CPQ: variants seen among roughly 807,000 people sequenced by gnomAD.
CPQ encodes carboxypeptidase Q.
CPQ carries 37 observed loss-of-function variants against 45.7 expected under a neutral mutation model. The observed-to-expected ratio is 0.81, with a 90% confidence interval of 0.62 to 1.07. The LOEUF (loss-of-function observed/expected upper bound fraction) is 1.07. CPQ is among the 50% of genes least tolerant of loss of function. The pLI is 0.00. For synonymous variants in CPQ, 186 were observed against 205.8 expected (o/e 0.90, Z 0.82); for missense variants, 537 against 572.9 (o/e 0.94, Z 0.64).
chr8:96,839,321 C>T (rs945552852), intron 3 of CPQ, among the ~76,000 whole-genome samples: 23 of 152,186 alleles, frequency 1.5e-4, no homozygotes, highest in African/African-American at 5.3e-4. Flanking sequence ...TTGTTATTCT[C>T]TGTGTTGCCA....
intron 5 of CPQ, among the ~76,000 whole-genome samples, chr8:96,998,978 A>AT (rs1198105387): frequency 2.0e-5 from 3 of 152,028 alleles, no homozygotes; most frequent in Non-Finnish European, 4.4e-5. Flanking sequence ...AAAAGCTAAC[A>AT]TTAATCAGGT....
At chr8:96,901,893 G>A (rs1299185790) in intron 4 of CPQ, among the ~76,000 whole-genome samples, 1 of 152,198 alleles carries the variant, frequency 6.6e-6, no homozygotes, top group Admixed American at 6.5e-5. Flanking sequence ...CTTTGGGAAA[G>A]CTTTGAGTCC....
rs942394752 is a variant in CPQ, at chr8:96,816,507, T to A, written c.434-18466T>A. Among the ~76,000 whole-genome samples, 3 of 152,182 alleles carry A rather than the reference T, an allele frequency of 2.0e-5. No individual in the cohort carries two copies. In the East Asian group the frequency reaches 5.8e-4, roughly 29 times the overall value. On this transcript the variant is annotated intron_variant, in intron 2 of 7. Transcript: ENST00000220763. ...AAACTCCTGTTAATGTTGATATTTT[T>A]ACCTCCTTCCATAAATCATGAATAT...
At position 96,858,907 on chromosome 8, in the gene CPQ, T is replaced by C. The variant is rs190904896; in HGVS notation, c.642-20891T>C. Among the ~76,000 whole-genome samples the C allele has an allele frequency of 1.7e-4, 26 of 152,310 alleles. 2 individuals carry two copies. Among genetic ancestry groups the C allele is most frequent in the African/African-American group, 5.8e-4 (24 of 41,576 alleles). On this transcript the variant is annotated intron_variant, in intron 3 of 7. Coordinates refer to ENST00000220763, the MANE Select transcript of CPQ (RefSeq NM_016134.4). ...TGACATATGTATATGTGTGTGTGTA[T>C]GTGTGTTTGTGTAGTTTTGTGCTTT...
rs535111844 is a variant in CPQ at position 96,921,762 on chromosome 8, A to G, written c.849+41757A>G. On this transcript the variant is annotated intron_variant, in intron 4 of 7. Transcript: ENST00000220763. ...GTTCTTCATTCTCTGAAAAACTTTT[A>G]TAGAAATTCTAAGAAGTGTGCCTCA... Among the ~76,000 whole-genome samples, 95 of 152,314 alleles carry G rather than the reference A, an allele frequency of 6.2e-4. No homozygotes were observed. The Middle Eastern group carries it at 0.01, about 16-fold the overall frequency.
At chr8:96,826,485 A>G (rs1227719858) in intron 2 of CPQ, among the ~76,000 whole-genome samples, 1 of 152,028 alleles carries the variant, frequency 6.6e-6, no homozygotes, top group Non-Finnish European at 1.5e-5. Context: ...ATATATATAC[A>G]TATATCTGCC....
In CPQ at chr8:96,696,509, A is replaced by G. The variant is rs148393238; in HGVS notation, c.-35+51107A>G. Among the ~76,000 whole-genome samples, 528 of 152,212 alleles carry G rather than the reference A, an allele frequency of 3.5e-3. 3 individuals are homozygous for G. The highest frequency in any genetic ancestry group is 0.012 in the African/African-American group (492 of 41,564). On this transcript the variant is annotated intron_variant, in intron 1 of 7. Coordinates refer to ENST00000220763, the MANE Select transcript of CPQ (RefSeq NM_016134.4). ...CTGAACCCAAAATTAGTAGAAGAAA[A>G]TAAATAATAAAGATCAGAGCAGAAA... is the stretch of plus-strand genomic sequence containing the variant.
At chr8:96,736,161 A>G (rs1809980345) in intron 1 of CPQ, among the ~76,000 whole-genome samples, 1 of 152,172 alleles carries the variant, frequency 6.6e-6, no homozygotes, top group African/African-American at 2.4e-5. Context: ...TATCATTTCC[A>G]TCTTATGATG....
chr8:96,983,593 TACTA>T (rs1813945301), intron 5 of CPQ, among the ~76,000 whole-genome samples: 1 of 152,182 alleles, frequency 6.6e-6, no homozygotes, highest in African/African-American at 2.4e-5. Context: ...AGAGCAAACT[TACTA>T]ACTATTCAAA....
intron 4 of CPQ, among the ~76,000 whole-genome samples, chr8:96,891,754 C>A (rs1048271105): frequency 6.6e-6 from 1 of 152,118 alleles, no homozygotes; most frequent in Non-Finnish European, 1.5e-5. Flanking sequence ...CCTCATAGCA[C>A]CATAGCTGCA....
intron 4 of CPQ, among the ~76,000 whole-genome samples, chr8:96,903,840 A>T (rs1398000661): frequency 2.0e-5 from 3 of 152,204 alleles, no homozygotes; most frequent in Non-Finnish European, 4.4e-5. Context: ...GGAGAAAAAA[A>T]TATGGCATGA....
intron 1 of CPQ, among the ~76,000 whole-genome samples, chr8:96,780,147 T>G (rs1355419871): frequency 6.6e-6 from 1 of 152,172 alleles, no homozygotes; most frequent in Non-Finnish European, 1.5e-5. Flanking sequence ...TGGTGAATAA[T>G]TTACCCTACT....
chr8:97,050,751 G>A (rs1049608651), intron 6 of CPQ, among the ~76,000 whole-genome samples: 6 of 152,068 alleles, frequency 3.9e-5, no homozygotes, highest in African/African-American at 1.4e-4. Flanking sequence ...ATTTGCTTGA[G>A]AGTCCAGCTT....
At chr8:96,777,187 C>T (rs917344458) in intron 1 of CPQ, among the ~76,000 whole-genome samples, 1 of 151,920 alleles carries the variant, frequency 6.6e-6, no homozygotes, top group South Asian at 2.1e-4. Context: ...ATTTTCATCC[C>T]CATGGCTGCT....
At chr8:97,006,501 A>G (rs1809386617) in intron 5 of CPQ, among the ~76,000 whole-genome samples, 2 of 152,192 alleles carry the variant, frequency 1.3e-5, no homozygotes, top group African/African-American at 4.8e-5. Flanking sequence ...TATGCAAATC[A>G]CATTTGTAGC....
chr8:96,678,889 T>C lies in CPQ; in HGVS notation c.-35+33487T>C, dbSNP rs1809111532. ...GGTTGTCTCTTCACTCTGTTGATTG[T>C]TTTCTTTGTTCTGCAGAAGATGTTT... On this transcript the variant is annotated intron_variant, in intron 1 of 7. Coordinates refer to ENST00000220763, the MANE Select transcript of CPQ (RefSeq NM_016134.4). Among the ~76,000 whole-genome samples the C allele has an allele frequency of 7.2e-5, 11 of 151,946 alleles. No homozygotes were observed. The South Asian group carries it at 2.3e-3, about 31-fold the overall frequency.
intron 4 of CPQ, among the ~76,000 whole-genome samples, chr8:96,908,747 G>GTA (rs1554577099): frequency 7.9e-4 from 111 of 141,016 alleles, no homozygotes; most frequent in African/African-American, 2.7e-3. Context: ...ATACACATGC[G>GTA]CACACACACA....
At chr8:97,123,257 AAAAT>A (rs1811788839) in intron 7 of CPQ, among the ~76,000 whole-genome samples, 1 of 146,340 alleles carries the variant, frequency 6.8e-6, no homozygotes. Flanking sequence ...AAATAAAAAT[AAAAT>A]AAAATAAAAT....
At chr8:97,013,236 T>C (rs760960637) in intron 5 of CPQ, among the ~76,000 whole-genome samples, 2 of 151,974 alleles carry the variant, frequency 1.3e-5, no homozygotes, top group Non-Finnish European at 2.9e-5. Flanking sequence ...GCCGAGACCA[T>C]GCCACAGCAC....
Sources: gnomAD v4.1 joint callset for allele counts (sites outside exome capture counted in the v4.1 genomes callset) on GRCh38, gnomAD v4.1.1 for gene constraint, MANE v1.5 for transcripts, NCBI Gene and HGNC (gene_info 2026-07-23, HGNC 2026-07-21) for gene names.